BICC1: variants seen among roughly 807,000 people sequenced by gnomAD.
The protein encoded by BICC1 is BicC family RNA binding protein 1.
In BICC1, 43 loss-of-function variants were observed where a neutral mutation model predicts 111.0. The ratio of observed to expected loss-of-function variants is 0.39; its 90% CI spans 0.30 to 0.50. BICC1 has a LOEUF of 0.50. Ranked by LOEUF, BICC1 falls within the 20% of genes least tolerant of loss-of-function variation. The pLI, the probability that BICC1 is intolerant of heterozygous loss-of-function variation, is 0.88. For synonymous variants in BICC1, 467 were observed against 434.4 expected (o/e 1.07, Z -0.93); for missense variants, 1,091 against 1,203.2 (o/e 0.91, Z 1.38).
In BICC1 at chr10:58,578,661, A is replaced by C. The variant is rs540445826; in HGVS notation, c.191-42194A>C. Among the ~76,000 whole-genome samples, 3 of 152,284 alleles carry C rather than the reference A, an allele frequency of 2.0e-5. No homozygotes were observed. In the East Asian group the frequency reaches 5.8e-4, roughly 29 times the overall value. On this transcript the variant is annotated intron_variant, in intron 1 of 20. Transcript: ENST00000373886. ...TCACTTCTTCCCAAATGTATGGTAA[A>C]TTGAAATTTGAAAGAGGTGGAGGTA...
chr10:58,700,437 C>G (rs185967291), intron 2 of BICC1, among the ~76,000 whole-genome samples: 2 of 152,232 alleles, frequency 1.3e-5, no homozygotes, highest in East Asian at 3.9e-4. Flanking sequence ...TTAGACTTAA[C>G]TAACCAAGTT....
chr10:58,783,556 A>G (rs1842935508), intron 3 of BICC1, among the ~76,000 whole-genome samples: 1 of 152,112 alleles, frequency 6.6e-6, no homozygotes, highest in South Asian at 2.1e-4. Flanking sequence ...GCCTTATCCT[A>G]GAGAATAGAT....
At chr10:58,699,892 A>G (rs1443778457) in intron 2 of BICC1, among the ~76,000 whole-genome samples, 6 of 152,104 alleles carry the variant, frequency 3.9e-5, no homozygotes, top group African/African-American at 9.7e-5. Context: ...GAGTCTCACT[A>G]TATTGTCCAG....
intron 17 of BICC1, among the ~76,000 whole-genome samples, chr10:58,808,742 TCTCA>T (rs964505863): frequency 2.0e-5 from 3 of 147,114 alleles, no homozygotes; most frequent in African/African-American, 7.6e-5. Context: ...TGACGTGGAG[TCTCA>T]CTCAACCCCC....
intron 2 of BICC1, among the ~76,000 whole-genome samples, chr10:58,690,716 T>C (rs1272500237): frequency 2.6e-5 from 4 of 152,184 alleles, no homozygotes; most frequent in Non-Finnish European, 5.9e-5. Context: ...ATCTCAGTTA[T>C]TGTGCTGATC....
At chr10:58,614,115 ACT>A (rs1293820917) in intron 1 of BICC1, among the ~76,000 whole-genome samples, 1 of 152,072 alleles carries the variant, frequency 6.6e-6, no homozygotes, top group Non-Finnish European at 1.5e-5. Flanking sequence ...GGAGAAGTAG[ACT>A]CTCAAATTTG....
chr10:58,612,916 C>A (rs769491213), intron 1 of BICC1, among the ~76,000 whole-genome samples: 2 of 152,064 alleles, frequency 1.3e-5, no homozygotes. Context: ...CAAGCTACCC[C>A]CCTCCCATTT....
intron 17 of BICC1, among the ~76,000 whole-genome samples, chr10:58,808,511 G>A (rs1843786281): frequency 6.6e-6 from 1 of 152,066 alleles, no homozygotes; most frequent in South Asian, 2.1e-4. Context: ...ACCAACAGTA[G>A]GACAAGTTGA....
chr10:58,817,805 A>G (rs1293333641), intron 19 of BICC1, 83 bp downstream of exon 19: 5 of 1,343,102 alleles, frequency 3.7e-6, no homozygotes, highest in Non-Finnish European at 5.1e-6. Flanking sequence ...TTATTGACCT[A>G]TGAGTATGCT....
At position 58,798,447 on chromosome 10, in the gene BICC1, A is replaced by T; in HGVS notation, c.1415A>T (p.Asn472Ile). 6.2e-7 allele frequency: 1 copy of T among 1,612,192 alleles called. No individual in the cohort carries two copies. ...TLSLNTSTTP[N>I]SLLNALNSSV... ...TCTCTGAACACTTCAACAACCCCAA[A>T]CTCACTCTTGAATGCTCTTAATAGC... is the stretch of plus-strand genomic sequence containing the variant. Residue 472 changes from asparagine to isoleucine, a missense_variant, in exon 11 of 21, where the codon AAC (asparagine) becomes ATC (isoleucine). By Grantham distance (149) the Asn-to-Ile change is moderately radical. Transcript: ENST00000373886.
intron 1 of BICC1, among the ~76,000 whole-genome samples, chr10:58,591,010 T>G (rs1258050251): frequency 2.0e-5 from 3 of 152,182 alleles, no homozygotes; most frequent in African/African-American, 7.2e-5. Flanking sequence ...CCCCCCTCCC[T>G]TCCCTCAAAG....
chr10:58,576,625 G>A (rs1292231503), intron 1 of BICC1, among the ~76,000 whole-genome samples: 1 of 152,044 alleles, frequency 6.6e-6, no homozygotes, highest in Non-Finnish European at 1.5e-5. Flanking sequence ...GTTCTTCTCT[G>A]CCTCCCCTCC....
intron 2 of BICC1, among the ~76,000 whole-genome samples, chr10:58,696,311 G>GA (rs1026005762): frequency 6.0e-5 from 9 of 149,870 alleles, no homozygotes; most frequent in East Asian, 3.9e-4. Context: ...TTTTCATGAT[G>GA]AAAAAAAAAC....
intron 2 of BICC1, among the ~76,000 whole-genome samples, chr10:58,629,692 A>G (rs1184650592): frequency 1.3e-5 from 2 of 152,214 alleles, no homozygotes; most frequent in African/African-American, 4.8e-5. Context: ...TTTAAATTTC[A>G]TCTAGGAGAT....
At chr10:58,537,347 CA>C (rs1554803300) in intron 1 of BICC1, among the ~76,000 whole-genome samples, 3,296 of 111,750 alleles carry the variant, frequency 0.029, 95 homozygotes, top group African/African-American at 0.068. Context: ...TGAACTAGAA[CA>C]AAAAAAAAAA....
At chr10:58,814,338 C>G (rs1844015897) in intron 18 of BICC1, 2 of 566,188 alleles carry the variant, frequency 3.5e-6, no homozygotes, top group Admixed American at 6.5e-5. Flanking sequence ...TTCTGTTATG[C>G]TCTGCCTTAT....
intron 3 of BICC1, among the ~76,000 whole-genome samples, chr10:58,706,879 A>G (rs935719604): frequency 2.2e-5 from 3 of 136,920 alleles, no homozygotes; most frequent in Non-Finnish European, 4.7e-5. Flanking sequence ...CACTATGAAA[A>G]CAGACTAATA....
At chr10:58,795,053 A>G (rs537729431) in intron 9 of BICC1, among the ~76,000 whole-genome samples, 1 of 152,344 alleles carries the variant, frequency 6.6e-6, no homozygotes, top group African/African-American at 2.4e-5. Flanking sequence ...AAAAATCATG[A>G]TGAGTTGCCT....
chr10:58,515,843 TAATG>T (rs1402283901), intron 1 of BICC1, among the ~76,000 whole-genome samples: 1 of 152,176 alleles, frequency 6.6e-6, no homozygotes, highest in East Asian at 1.9e-4. Flanking sequence ...GATAAGAACT[TAATG>T]AATATCTGTT....
Sources: allele counts gnomAD v4.1 joint callset (sites outside exome capture counted in the v4.1 genomes callset), GRCh38; gene constraint gnomAD v4.1.1; transcripts MANE v1.5; gene names NCBI Gene and HGNC (gene_info 2026-07-23, HGNC 2026-07-21).